The following C8A variants were observed in gnomAD, a reference collection of about 807,000 sequenced individuals.
C8A encodes complement component C8 alpha chain.
Under a neutral mutation model 65.3 loss-of-function variants are expected in C8A, and 67 were observed. That is an observed-to-expected ratio of 1.03 (90% CI 0.84 to 1.26). The LOEUF (loss-of-function observed/expected upper bound fraction) is 1.26, where lower values mean the gene tolerates loss of function less well. Ranked by LOEUF, C8A falls within the 50% of genes most tolerant of loss-of-function variation. C8A has a pLI of 0.00. For synonymous variants in C8A, 290 were observed against 259.4 expected (o/e 1.12, Z -1.13); for missense variants, 781 against 723.9 (o/e 1.08, Z -0.90).
chr1:56,917,519 T>G (rs1431592608), intron 10 of C8A, 46 bp from the exon 11 acceptor site: 1 of 1,609,976 alleles, frequency 6.2e-7, no homozygotes, highest in Non-Finnish European at 8.5e-7. Flanking sequence ...CCCTTCCTTC[T>G]TAGCCATATG....
chr1:56,912,944 A>G (rs1365266603), intron 10 of C8A, among the ~76,000 whole-genome samples: 3 of 152,222 alleles, frequency 2.0e-5, no homozygotes, highest in Admixed American at 6.5e-5. Context: ...TTATAACAAC[A>G]GAAGTGTATT....
At position 56,854,987 on chromosome 1, in the gene C8A, G is replaced by A. The variant is rs184240619; in HGVS notation, c.77+9G>A. On this transcript the variant is annotated intron_variant, in intron 1 of 10. Coordinates refer to ENST00000361249, the MANE Select transcript of C8A (RefSeq NM_000562.3). ...CAGGAGAAGGTGAACCAGTAAGTGG[G>A]CCATATGTCTCTGCAAAACTTGCAC... The A allele has an allele frequency of 6.2e-6, 10 of 1,609,680 alleles. No homozygotes were observed. The East Asian group carries it at 2.0e-4, about 32-fold the overall frequency.
intron 8 of C8A, among the ~76,000 whole-genome samples, 189 bp downstream of exon 8, chr1:56,906,981 T>A (rs1473134812): frequency 6.6e-6 from 1 of 152,120 alleles, no homozygotes; most frequent in Non-Finnish European, 1.5e-5. Context: ...GGGCTTAAAA[T>A]CACCTTAGAA....
intron 2 of C8A, among the ~76,000 whole-genome samples, chr1:56,869,473 A>G (rs1644121962): frequency 6.6e-6 from 1 of 152,204 alleles, no homozygotes; most frequent in Non-Finnish European, 1.5e-5. Flanking sequence ...TTGTGCTGCT[A>G]TAAACATGTA....
At chr1:56,856,586 C>A (rs184704919) in intron 1 of C8A, among the ~76,000 whole-genome samples, 27 of 152,100 alleles carry the variant, frequency 1.8e-4, no homozygotes, top group Admixed American at 3.9e-4. Context: ...ACTCTTTTTC[C>A]CTGCAAAATA....
At chr1:56,894,631 T>C (rs573126803) in intron 7 of C8A, among the ~76,000 whole-genome samples, 2 of 152,288 alleles carry the variant, frequency 1.3e-5, no homozygotes, top group East Asian at 3.9e-4. Flanking sequence ...AGTTAAAACC[T>C]CACCAAAGTT....
Position 56,912,403 on chromosome 1 carries a change from A to G in C8A, c.1381A>G (p.Met461Val), listed in dbSNP as rs374808537. Residue 461 changes from methionine (M) to valine (V), a missense_variant and splice_region_variant, in exon 10 of 11, where the codon ATG becomes GTG. Coordinates refer to ENST00000361249, the MANE Select transcript of C8A (RefSeq NM_000562.3). Reference sequence around the variant, plus strand: ...CCCTGTGTTCTTTCTGTGCCCACAGATGCAGCCTATCCACGAGGTGCTGCG... The same window carrying G: ...CCCTGTGTTCTTTCTGTGCCCACAGGTGCAGCCTATCCACGAGGTGCTGCG... ...KYNPVVIDFE[M>V]QPIHEVLRHT... 5.0e-6 allele frequency: 8 copies of G among 1,613,954 alleles called. No individual in the cohort carries two copies. In the African/African-American group the frequency reaches 1.1e-4, roughly 22 times the overall value.
chr1:56,906,011 G>T (rs1396847322), intron 7 of C8A, among the ~76,000 whole-genome samples: 1 of 152,146 alleles, frequency 6.6e-6, no homozygotes. Context: ...GCTAACGTGG[G>T]CCTGACAGTC....
At chr1:56,886,399 A>T (rs1006404285) in intron 7 of C8A, among the ~76,000 whole-genome samples, 25 of 152,200 alleles carry the variant, frequency 1.6e-4, no homozygotes, top group African/African-American at 4.8e-4. Context: ...AGCCCCCTAA[A>T]ACTATATGCT....
intron 7 of C8A, among the ~76,000 whole-genome samples, chr1:56,891,454 C>T (rs957107302): frequency 1.3e-5 from 2 of 152,100 alleles, no homozygotes; most frequent in Non-Finnish European, 2.9e-5. Flanking sequence ...CAGGGCAGTG[C>T]TTGGTCTAAT....
At position 56,917,618 on chromosome 1, in the gene C8A, G is replaced by C. The variant is rs375719279; in HGVS notation, c.1657G>C (p.Ala553Pro). Residue 553 changes from alanine (A) to proline (P), a missense_variant, in exon 11 of 11, where the codon GCA becomes CCA. Ala to Pro is a conservative substitution (Grantham distance 27). Transcript: ENST00000361249. Reference protein sequence around the residue: ...SCWSSWSVCRAGIQERRRECD... With the variant: ...SCWSSWSVCRPGIQERRRECD... Reference sequence around the variant, plus strand: ...CTGGAGCTCCTGGTCTGTATGCAGAGCAGGCATCCAGGAAAGGAGAAGAGA... The same window carrying C: ...CTGGAGCTCCTGGTCTGTATGCAGACCAGGCATCCAGGAAAGGAGAAGAGA... 12 of 1,613,982 alleles carry C rather than the reference G, an allele frequency of 7.4e-6. No individual in the cohort carries two copies. The highest frequency in any genetic ancestry group is 1.0e-5 in the Non-Finnish European group (12 of 1,179,834).
chr1:56,862,134 T>G (rs1321862439), intron 1 of C8A, among the ~76,000 whole-genome samples: 1 of 152,180 alleles, frequency 6.6e-6, no homozygotes, highest in African/African-American at 2.4e-5. Flanking sequence ...TTGACAAGGT[T>G]AGAGTGATGC....
In C8A at chr1:56,876,207, G is replaced by T; in HGVS notation, c.462G>T (p.Leu154Phe). The T allele has an allele frequency of 6.2e-7, 1 of 1,613,800 alleles. No homozygotes were observed. Among genetic ancestry groups the T allele is most frequent in the Middle Eastern group, 1.7e-4 (1 of 6,058 alleles). Residue 154 changes from leucine (L) to phenylalanine (F), a missense_variant and splice_region_variant, in exon 4 of 11, where the codon TTG becomes TTT. By Grantham distance (22) the Leu-to-Phe change is conservative (BLOSUM62 0). Coordinates refer to ENST00000361249, the MANE Select transcript of C8A (RefSeq NM_000562.3). ...TTCCAGGATCACAGAAGGCAGCCTTGGGGTGAGGCCCTGCCTACTAGCTAT... is the reference window on the plus strand; with the variant it reads ...TTCCAGGATCACAGAAGGCAGCCTTTGGGTGAGGCCCTGCCTACTAGCTAT... ...EPIPGSQKAALGYNILTQEDA... is the reference protein window; with the variant it reads ...EPIPGSQKAAFGYNILTQEDA...
At chr1:56,897,214 CAGTTTG>C in intron 7 of C8A, among the ~76,000 whole-genome samples, 1 of 152,058 alleles carries the variant, frequency 6.6e-6, no homozygotes, top group African/African-American at 2.4e-5. Flanking sequence ...AATGTTGAGT[CAGTTTG>C]ACCCATTGAT....
rs1644228342 is a variant in C8A, at chr1:56,879,231, A to G, written c.465-2214A>G. ...AGTATAATTATATAATTATTTGACT[A>G]CTTCCTATTGAAAGAGAATTAGATT... On this transcript the variant is annotated intron_variant, in intron 4 of 10. Transcript: ENST00000361249. Among the ~76,000 whole-genome samples, 3 of 152,214 alleles carry G rather than the reference A, an allele frequency of 2.0e-5. No individual in the cohort carries two copies. In the South Asian group the frequency reaches 6.2e-4, roughly 31 times the overall value.
intron 1 of C8A, among the ~76,000 whole-genome samples, chr1:56,862,016 C>A (rs914718406): frequency 6.6e-6 from 1 of 152,136 alleles, no homozygotes; most frequent in African/African-American, 2.4e-5. Context: ...AATATGCTGC[C>A]CTATTTTAAA....
At chr1:56,916,908 C>A (rs561191470) in intron 10 of C8A, among the ~76,000 whole-genome samples, 1 of 152,280 alleles carries the variant, frequency 6.6e-6, no homozygotes, top group East Asian at 1.9e-4. Flanking sequence ...GGCTCCATTG[C>A]CAGAATCTGA....
rs746053665 is a variant in C8A at position 56,906,694 on chromosome 1, G to A, written c.1124G>A (p.Cys375Tyr). ...LGITSRDITT[C>Y]FGGSLGIQYE... ...ATTACCAGCAGAGATATCACGACAT[G>A]TTTTGGAGGCTCCTTGGGCATTCAA... Residue 375 changes from cysteine to tyrosine, a missense_variant, in exon 8 of 11, where the codon TGT (cysteine) becomes TAT (tyrosine). Transcript: ENST00000361249. 7.4e-6 allele frequency: 12 copies of A among 1,613,978 alleles called. No individual in the cohort carries two copies. The highest frequency in any genetic ancestry group is 1.0e-5 in the Non-Finnish European group (12 of 1,179,976).
intron 10 of C8A, 76 bp from the exon 11 acceptor site, chr1:56,917,489 C>G: frequency 6.6e-7 from 1 of 1,514,022 alleles, no homozygotes; most frequent in Non-Finnish European, 9.2e-7. Flanking sequence ...CACACCCCTC[C>G]CTGTTCATCA....
Sources: allele counts gnomAD v4.1 joint callset (sites outside exome capture counted in the v4.1 genomes callset), GRCh38; gene constraint gnomAD v4.1.1; transcripts MANE v1.5; gene names NCBI Gene and HGNC (gene_info 2026-07-23, HGNC 2026-07-21).